TMEM182: variants seen among roughly 807,000 people sequenced by gnomAD.
TMEM182 encodes transmembrane protein 182.
Under a neutral mutation model 26.8 loss-of-function variants are expected in TMEM182, and 20 were observed. The ratio of observed to expected loss-of-function variants is 0.75; its 90% CI spans 0.53 to 1.09. The LOEUF (loss-of-function observed/expected upper bound fraction) is 1.09. TMEM182 is among the 50% of genes least tolerant of loss of function. The pLI is 0.00. For missense variants in TMEM182, 277 were observed against 275.5 expected (o/e 1.01, Z -0.04); for synonymous variants, 109 against 102.2 (o/e 1.07, Z -0.40).
intron 3 of TMEM182, among the ~76,000 whole-genome samples, chr2:102,767,760 C>A (rs1432257326): frequency 1.3e-5 from 2 of 152,108 alleles, no homozygotes; most frequent in Non-Finnish European, 2.9e-5. Flanking sequence ...TTTTATTTTT[C>A]CAAGTGGAAA....
intron 3 of TMEM182, among the ~76,000 whole-genome samples, chr2:102,781,733 A>G (rs779838986): frequency 7.9e-5 from 12 of 152,220 alleles, no homozygotes; most frequent in Non-Finnish European, 1.3e-4. Flanking sequence ...CGCAACCGAA[A>G]TCTAATCCTT....
chr2:102,793,564 A>C (rs1681736946), intron 3 of TMEM182, among the ~76,000 whole-genome samples: 4 of 152,148 alleles, frequency 2.6e-5, no homozygotes, highest in African/African-American at 9.7e-5. Context: ...ATCTGTGAAC[A>C]CTCAAGTCCC....
At chr2:102,841,890 A>G (rs1683358756) in intron 3 of TMEM182, among the ~76,000 whole-genome samples, 1 of 152,162 alleles carries the variant, frequency 6.6e-6, no homozygotes, top group Non-Finnish European at 1.5e-5. Flanking sequence ...ACTTTGGACA[A>G]TTTACATAAT....
intron 1 of TMEM182, among the ~76,000 whole-genome samples, chr2:102,740,291 C>T (rs567248200): frequency 6.6e-6 from 1 of 152,124 alleles, no homozygotes; most frequent in Admixed American, 6.5e-5. Context: ...TGGGAGGGAC[C>T]AAGTGGGACA....
At chr2:102,838,235 T>G (rs562621540) in intron 3 of TMEM182, among the ~76,000 whole-genome samples, 3 of 152,378 alleles carry the variant, frequency 2.0e-5, no homozygotes, top group African/African-American at 7.2e-5. Context: ...TGTTGTTAAC[T>G]TAAGGTCTAA....
chr2:102,826,208 C>T (rs987936440), intron 3 of TMEM182, among the ~76,000 whole-genome samples: 11 of 151,780 alleles, frequency 7.2e-5, no homozygotes, highest in African/African-American at 2.7e-4. Context: ...GAAGCCTACC[C>T]GGATGCCCTC....
chr2:102,820,150 C>T (rs1004087012), downstream of TMEM182, among the ~76,000 whole-genome samples: 7 of 152,092 alleles, frequency 4.6e-5, no homozygotes, highest in African/African-American at 1.7e-4. Flanking sequence ...ATTTGGGTCC[C>T]CTGAAGGGAG....
At chr2:102,837,759 C>G (rs1387684618) in intron 3 of TMEM182, among the ~76,000 whole-genome samples, 2 of 152,176 alleles carry the variant, frequency 1.3e-5, no homozygotes, top group Non-Finnish European at 2.9e-5. Flanking sequence ...TCTAGCTGCA[C>G]TCTCCTGCTT....
downstream of TMEM182, among the ~76,000 whole-genome samples, chr2:102,819,991 G>T (rs1425282331): frequency 1.3e-5 from 2 of 152,204 alleles, no homozygotes; most frequent in Non-Finnish European, 2.9e-5. Context: ...ACACCAACTG[G>T]CAATCGATAG....
intron 3 of TMEM182, among the ~76,000 whole-genome samples, chr2:102,796,756 C>T (rs920161419): frequency 3.9e-5 from 6 of 152,148 alleles, no homozygotes; most frequent in South Asian, 2.1e-4. Flanking sequence ...CATAAAAATC[C>T]GAGCCTTCCT....
intron 4 of TMEM182, among the ~76,000 whole-genome samples, chr2:102,805,085 T>G (rs992430648): frequency 3.9e-5 from 6 of 152,246 alleles, no homozygotes; most frequent in Non-Finnish European, 7.3e-5. Flanking sequence ...CCAGCATTAG[T>G]CAGCCTTGCT....
chr2:102,789,070 A>G (rs887988), intron 3 of TMEM182, among the ~76,000 whole-genome samples: 82,341 of 151,990 alleles, frequency 0.54, 22,895 homozygotes, highest in African/African-American at 0.66. Context: ...AAAGCGAGGC[A>G]ACATATGCTG....
chr2:102,759,811 C>G (rs909432631), upstream of TMEM182, among the ~76,000 whole-genome samples: 2 of 152,128 alleles, frequency 1.3e-5, no homozygotes, highest in African/African-American at 4.8e-5. Flanking sequence ...TCTAGATGCA[C>G]TCTATATTCC....
rs977447314 is a variant in TMEM182 at position 102,829,718 on chromosome 2, G to GT, written c.326-13686dup. Among the ~76,000 whole-genome samples the GT allele has an allele frequency of 7.2e-5, 11 of 151,970 alleles. No individual in the cohort carries two copies. The East Asian group carries it at 9.7e-4, about 13-fold the overall frequency. On this transcript the variant is annotated intron_variant, in intron 3 of 3. Coordinates refer to the TMEM182 transcript ENST00000486293. ...GCAGAGGACTCTGGAATGGTCCAGA[G>GT]TTTTTTTTGCCATTGGAGCTTTCCT... is the stretch of plus-strand genomic sequence containing the variant.
In TMEM182 at chr2:102,816,412, A is replaced by G. The variant is rs558047325; in HGVS notation, c.*1444A>G. The G allele has an allele frequency of 4.1e-5, 40 of 985,020 alleles. No individual in the cohort carries two copies. The highest frequency in any genetic ancestry group is 4.8e-5 in the Non-Finnish European group (40 of 829,894). 61.0% of individuals were successfully genotyped at this position (985,020 alleles called of 1,614,324 possible). On this transcript the variant is annotated 3_prime_UTR_variant, in exon 5 of 5. Transcript: ENST00000412401. ...GAGGTGATCCCAGTCTTCTCTGTACATCTTGTGCTTTTCCATTAAGACTTG... is the reference window on the plus strand; with the variant it reads ...GAGGTGATCCCAGTCTTCTCTGTACGTCTTGTGCTTTTCCATTAAGACTTG...
intron 3 of TMEM182, among the ~76,000 whole-genome samples, chr2:102,785,650 T>A (rs926217206): frequency 6.6e-6 from 1 of 152,182 alleles, no homozygotes; most frequent in Non-Finnish European, 1.5e-5. Flanking sequence ...TATCAAATCA[T>A]TTTAGTACTA....
chr2:102,762,000 G>C (rs1680229220), upstream of TMEM182: 1 of 429,424 alleles, frequency 2.3e-6, no homozygotes, highest in African/African-American at 2.1e-5. Context: ...TGCTGGGCTG[G>C]AGTTCCTCCA....
upstream of TMEM182, chr2:102,761,935 A>G (rs1457363190): frequency 9.5e-6 from 3 of 315,402 alleles, no homozygotes; most frequent in East Asian, 8.5e-5. Flanking sequence ...TTTGATCCCC[A>G]TGGGAGAAAG....
At chr2:102,788,777 A>G (rs1261088224) in intron 3 of TMEM182, among the ~76,000 whole-genome samples, 1 of 152,146 alleles carries the variant, frequency 6.6e-6, no homozygotes, top group Non-Finnish European at 1.5e-5. Flanking sequence ...TCCCTGAAGC[A>G]TCTCCTGAAT....
Sources: gnomAD v4.1 joint callset for allele counts (sites outside exome capture counted in the v4.1 genomes callset) on GRCh38, gnomAD v4.1.1 for gene constraint, MANE v1.5 for transcripts, NCBI Gene and HGNC (gene_info 2026-07-23, HGNC 2026-07-21) for gene names.